GRIK3: variants seen among roughly 807,000 people sequenced by gnomAD.
GRIK3 encodes the protein glutamate ionotropic receptor kainate type subunit 3.
In GRIK3, 29 loss-of-function variants were observed where a neutral mutation model predicts 102.5. The observed-to-expected ratio is 0.28, with a 90% CI of 0.21 to 0.39. The LOEUF (loss-of-function observed/expected upper bound fraction) is 0.39. GRIK3 is among the 10% of genes least tolerant of loss of function. The probability of loss-of-function intolerance (pLI) is 1.00; values close to 1 mark genes in which losing one functional copy is unlikely to be tolerated. For synonymous variants in GRIK3, 511 were observed against 504.9 expected (o/e 1.01, Z -0.16); for missense variants, 908 against 1,252.4 (o/e 0.73, Z 4.15).
chr1:36,904,155 G>GA (rs1425148657), intron 1 of GRIK3, among the ~76,000 whole-genome samples: 1 of 152,074 alleles, frequency 6.6e-6, no homozygotes, highest in Admixed American at 6.5e-5. Context: ...CTATTAAAAA[G>GA]AAAAAAGGGT....
intron 1 of GRIK3, among the ~76,000 whole-genome samples, chr1:36,940,564 T>G (rs1373419492): frequency 1.3e-5 from 2 of 152,208 alleles, no homozygotes; most frequent in African/African-American, 4.8e-5. Flanking sequence ...TTTGGTATAT[T>G]CTTGAGATAT....
At chr1:36,841,316 A>T (rs933994850) in intron 10 of GRIK3, among the ~76,000 whole-genome samples, 1 of 152,116 alleles carries the variant, frequency 6.6e-6, no homozygotes. Context: ...CAATGCAGTG[A>T]CGGGTTTCTC....
At chr1:37,017,387 A>AG (rs1642663458) in intron 1 of GRIK3, among the ~76,000 whole-genome samples, 1 of 150,794 alleles carries the variant, frequency 6.6e-6, no homozygotes, top group Admixed American at 6.6e-5. Context: ...AAAAAAAAAA[A>AG]AAAAAAAAGA....
intron 1 of GRIK3, among the ~76,000 whole-genome samples, chr1:37,015,696 C>T (rs1054440869): frequency 7.9e-5 from 12 of 152,176 alleles, no homozygotes; most frequent in African/African-American, 2.9e-4. Context: ...GTCAGCCTCT[C>T]CCCATTTCCC....
chr1:36,867,591 T>C (rs781276857), intron 5 of GRIK3, among the ~76,000 whole-genome samples: 2 of 152,086 alleles, frequency 1.3e-5, no homozygotes, highest in African/African-American at 2.4e-5. Flanking sequence ...TCTAAGGTCC[T>C]GGGCACTGAG....
At chr1:36,896,744 A>T (rs1641176644) in intron 1 of GRIK3, among the ~76,000 whole-genome samples, 1 of 152,202 alleles carries the variant, frequency 6.6e-6, no homozygotes, top group African/African-American at 2.4e-5. Flanking sequence ...ACAAGATCCA[A>T]CTATATGTTG....
intron 3 of GRIK3, among the ~76,000 whole-genome samples, chr1:36,875,239 C>T (rs1378869593): frequency 6.6e-6 from 1 of 152,234 alleles, no homozygotes; most frequent in Non-Finnish European, 1.5e-5. Flanking sequence ...GTAGCCCTTT[C>T]CTTCATCCCA....
intron 10 of GRIK3, among the ~76,000 whole-genome samples, chr1:36,840,860 G>T (rs944299674): frequency 1.3e-5 from 2 of 152,236 alleles, no homozygotes; most frequent in Non-Finnish European, 2.9e-5. Flanking sequence ...GAACTATGAT[G>T]TGTTTGCTCA....
intron 1 of GRIK3, among the ~76,000 whole-genome samples, chr1:36,928,713 GA>G (rs377089271): frequency 8.6e-5 from 13 of 151,386 alleles, no homozygotes; most frequent in East Asian, 5.8e-4. Flanking sequence ...CGTGGCAAAA[GA>G]AAAAAAAATC....
chr1:36,867,475 G>A lies in GRIK3; in HGVS notation c.786+2273C>T, dbSNP rs181574477. Reference sequence around the variant, plus strand: ...ATATAGCTAAATGCTCCCAGGGTGAGGGTTGTGTCACCAGCAAGATTGCAG... The same window carrying A: ...ATATAGCTAAATGCTCCCAGGGTGAAGGTTGTGTCACCAGCAAGATTGCAG... On this transcript the variant is annotated intron_variant, in intron 5 of 15. Coordinates refer to ENST00000373091, the MANE Select transcript of GRIK3 (RefSeq NM_000831.4). Among the ~76,000 whole-genome samples, 484 of 152,252 alleles carry A rather than the reference G, an allele frequency of 3.2e-3. 2 individuals carry two copies. The highest frequency in any genetic ancestry group is 6.0e-3 in the South Asian group (29 of 4,824).
At chr1:36,855,973 G>T (rs571847060) in intron 7 of GRIK3, among the ~76,000 whole-genome samples, 3 of 152,374 alleles carry the variant, frequency 2.0e-5, no homozygotes, top group Admixed American at 6.5e-5. Flanking sequence ...AGACAGATTC[G>T]TTGCAGTAGC....
intron 1 of GRIK3, among the ~76,000 whole-genome samples, chr1:36,984,833 G>C (rs920991813): frequency 3.9e-5 from 6 of 152,228 alleles, no homozygotes; most frequent in African/African-American, 1.4e-4. Context: ...CAGCAAAGTT[G>C]AAAGTTAGCC....
intron 10 of GRIK3, among the ~76,000 whole-genome samples, chr1:36,832,190 C>T (rs138699382): frequency 8.5e-5 from 13 of 152,362 alleles, no homozygotes; most frequent in South Asian, 4.1e-4. Context: ...CCTCAGACCA[C>T]GAGCTCAGGA....
At chr1:36,864,534 C>T (rs1210782967) in intron 5 of GRIK3, among the ~76,000 whole-genome samples, 1 of 152,130 alleles carries the variant, frequency 6.6e-6, no homozygotes, top group East Asian at 1.9e-4. Context: ...CAGAGGCCAA[C>T]CTGACTCAGT....
intron 15 of GRIK3, among the ~76,000 whole-genome samples, chr1:36,803,044 G>A (rs192699063): frequency 3.7e-4 from 57 of 152,266 alleles, no homozygotes; most frequent in African/African-American, 1.0e-3. Flanking sequence ...GCGGTCTAAC[G>A]ATGAGATGGA....
chr1:36,849,021 C>T (rs1640550949), intron 9 of GRIK3, among the ~76,000 whole-genome samples: 1 of 152,184 alleles, frequency 6.6e-6, no homozygotes. Flanking sequence ...AGATCTCCAT[C>T]ATCTTTAGCT....
intron 9 of GRIK3, among the ~76,000 whole-genome samples, chr1:36,844,284 A>G (rs1014948893): frequency 3.3e-5 from 5 of 152,216 alleles, no homozygotes; most frequent in Non-Finnish European, 4.4e-5. Context: ...CGCCATGCTT[A>G]ATCTCAGTGC....
At position 36,825,703 on chromosome 1, in the gene GRIK3, G is replaced by T. The variant is rs370314158; in HGVS notation, c.1654C>A (p.Pro552Thr). 3 of 1,613,966 alleles carry T rather than the reference G, an allele frequency of 1.9e-6. No homozygotes were observed. Among genetic ancestry groups the T allele is most frequent in the Non-Finnish European group, 2.5e-6 (3 of 1,179,906 alleles). Residue 552 changes from proline (P) to threonine (T), a missense_variant, in exon 11 of 16, where the codon CCC becomes ACC. Pro to Thr is a conservative substitution (Grantham distance 38, BLOSUM62 -1). This residue lies in a region of GRIK3 where 585 missense variants were observed against 824.9 expected (regional missense o/e 0.71). Coordinates refer to ENST00000373091, the MANE Select transcript of GRIK3 (RefSeq NM_000831.4). ...ILYRKPNGTNPSVFSFLNPLS... is the reference protein window; with the variant it reads ...ILYRKPNGTNTSVFSFLNPLS... ...GGATTGAGGAAGGAGAAGACGCTGGGGTTGGTGCCATTGGGCTTTCGATAC... is the reference window on the plus strand; with the variant it reads ...GGATTGAGGAAGGAGAAGACGCTGGTGTTGGTGCCATTGGGCTTTCGATAC...
At chr1:36,851,053 A>C (rs914842269) in intron 8 of GRIK3, among the ~76,000 whole-genome samples, 5 of 152,192 alleles carry the variant, frequency 3.3e-5, no homozygotes, top group Middle Eastern at 3.2e-3. Flanking sequence ...GGGCCTCTTG[A>C]AGATCCTTTT....
Sources: allele counts gnomAD v4.1 joint callset (sites outside exome capture counted in the v4.1 genomes callset), GRCh38; gene constraint gnomAD v4.1.1; regional missense constraint gnomAD v4.1.1; transcripts MANE v1.5; gene names NCBI Gene and HGNC (gene_info 2026-07-23, HGNC 2026-07-21).